The following SLC6A2 variants were observed in gnomAD, a reference collection of about 807,000 sequenced individuals.
The protein encoded by SLC6A2 is solute carrier family 6 member 2.
Under a neutral mutation model 71.7 loss-of-function variants are expected in SLC6A2, and 26 were observed. That is an observed-to-expected ratio of 0.36 (90% CI 0.27 to 0.50). The LOEUF (loss-of-function observed/expected upper bound fraction) is 0.50. Ranked by LOEUF, SLC6A2 falls within the 20% of genes least tolerant of loss-of-function variation. SLC6A2 has a pLI of 0.96. For missense variants in SLC6A2, 581 were observed against 803.9 expected, an observed-to-expected ratio of 0.72 and a Z score of 3.35; for synonymous variants, 363 against 337.9, an observed-to-expected ratio of 1.07 and a Z score of -0.82.
In SLC6A2 at chr16:55,695,128, G is replaced by A. The variant is rs1597008423; in HGVS notation, c.1023-150G>A. 2.0e-5 allele frequency: 17 copies of A among 839,406 alleles called. No individual in the cohort carries two copies. In the East Asian group the frequency reaches 3.7e-4, roughly 18 times the overall value. The allele number at this position is 839,406 out of a possible 1,614,324, so 52.0% of individuals were successfully genotyped here. On this transcript the variant is annotated intron_variant, in intron 7 of 14. Transcript: ENST00000568943. ...CTACTTCCTGCACCAGTGATGGTGA[G>A]GCCCTGTATCCATGTGGCAGCAGGA...
intron 4 of SLC6A2, 72 bp from the exon 5 acceptor site, chr16:55,685,071 G>T: frequency 6.8e-7 from 1 of 1,477,272 alleles, no homozygotes. Flanking sequence ...GCAGGGACTG[G>T]TCTGTGGTCA....
intron 5 of SLC6A2, among the ~76,000 whole-genome samples, chr16:55,690,212 A>G (rs142650899): frequency 6.6e-6 from 1 of 152,168 alleles, no homozygotes; most frequent in East Asian, 1.9e-4. Context: ...CAGTCCAATC[A>G]TTCGTACAAT....
In SLC6A2 at chr16:55,698,509, C is replaced by T. The variant is rs865845979; in HGVS notation, c.1430C>T (p.Ala477Val). The part of the protein sequence containing the change: ...YVLTLLDTFA[A>V]GTSILFAVLM... ...TTGACCCTCCTGGACACCTTTGCTG[C>T]GGGCACCTCCATCCTTTTTGCTGTC... Residue 477 changes from alanine (A) to valine (V), a missense_variant, in exon 11 of 15, where the codon GCG (alanine) becomes GTG (valine). Ala to Val is a moderately conservative substitution (Grantham distance 64). Transcript: ENST00000568943. 6.8e-6 allele frequency: 11 copies of T among 1,613,908 alleles called. No homozygotes were observed. The highest frequency in any genetic ancestry group is 1.3e-5 in the African/African-American group (1 of 74,882).
At position 55,696,271 on chromosome 16, in the gene SLC6A2, G is replaced by T; in HGVS notation, c.1194G>T (p.Leu398=). 6.2e-7 allele frequency: 1 copy of T among 1,613,972 alleles called. No homozygotes were observed. Among genetic ancestry groups the T allele is most frequent in the Non-Finnish European group, 8.5e-7 (1 of 1,179,896 alleles). ...FILYPEAIST[L]SGSTFWAVVF... ...TGTATCCAGAGGCCATTTCTACCCT[G>T]TCTGGATCTACATTCTGGGCTGTTG... is the stretch of plus-strand genomic sequence containing the variant. The change falls in exon 9 of 15, where the codon CTG becomes CTT. Residue 398 remains leucine (L), a synonymous_variant. Transcript: ENST00000568943.
chr16:55,693,021 C>G (rs1350877810), intron 6 of SLC6A2, among the ~76,000 whole-genome samples: 1 of 152,206 alleles, frequency 6.6e-6, no homozygotes, highest in Non-Finnish European at 1.5e-5. Flanking sequence ...GCCCTCAGTG[C>G]AGTCTCAAGG....
Position 55,669,645 on chromosome 16 carries a change from T to C in SLC6A2, c.355T>C (p.Tyr119His). 6.2e-7 allele frequency: 1 copy of C among 1,614,120 alleles called. No homozygotes were observed. The highest frequency in any genetic ancestry group is 8.5e-7 in the Non-Finnish European group (1 of 1,180,018). ...CTACATGGAGCTGGCTCTGGGACAG[T>C]ACAACCGGGAGGGGGCTGCCACCGT... ...LFYMELALGQYNREGAATVWK... is the reference protein window; with the variant it reads ...LFYMELALGQHNREGAATVWK... The change falls in exon 3 of 15, where the codon TAC becomes CAC. Residue 119 changes from tyrosine to histidine, a missense_variant. Around this residue, in one of 5 missense-constraint regions of SLC6A2, gnomAD observed 81 missense variants for 152.4 expected, o/e 0.53. Coordinates refer to ENST00000568943, the MANE Select transcript of SLC6A2 (RefSeq NM_001172501.3).
rs552100355 is a variant in SLC6A2, at chr16:55,672,638, G to T, written c.644+463G>T. 3.7e-4 allele frequency among the ~76,000 whole-genome samples: 56 copies of T among 152,302 alleles called. No individual in the cohort carries two copies. The South Asian group carries it at 7.9e-3, about 21-fold the overall frequency. The stretch of plus-strand genomic sequence containing the variant: ...GAAGAGCTGGGGCTCCAGGGCAGGC[G>T]ATGAGCTGCAGGTTGAACCCGAGTT... On this transcript the variant is annotated intron_variant, in intron 4 of 14. Coordinates refer to ENST00000568943, the MANE Select transcript of SLC6A2 (RefSeq NM_001172501.3).
intron 3 of SLC6A2, 150 bp from the exon 4 acceptor site, chr16:55,671,788 G>T (rs1964923513): frequency 2.7e-6 from 4 of 1,465,788 alleles, no homozygotes; most frequent in Non-Finnish European, 3.6e-6. Flanking sequence ...CATGCGACAG[G>T]TCACTGGTGC....
In SLC6A2 at chr16:55,685,316, G is replaced by A. The variant is rs11568340; in HGVS notation, c.783+35G>A. On this transcript the variant is annotated intron_variant, in intron 5 of 14. Coordinates refer to ENST00000568943, the MANE Select transcript of SLC6A2 (RefSeq NM_001172501.3). ...CTGTGTTTCTCTTTCACTTACTTGG[G>A]TGATCAACCTTGGGGGGTGTGATTA... 1.4e-3 allele frequency: 2,191 copies of A among 1,605,838 alleles called. 3 individuals carry two copies. Among genetic ancestry groups the A allele is most frequent in the Middle Eastern group, 2.1e-3 (13 of 6,050 alleles).
At chr16:55,700,988 T>C (rs1425908201) in intron 13 of SLC6A2, among the ~76,000 whole-genome samples, 4 of 152,200 alleles carry the variant, frequency 2.6e-5, no homozygotes, top group African/African-American at 9.7e-5. Context: ...GATAATCTTT[T>C]CCTCATATCC....
At chr16:55,688,314 C>G (rs753582846) in intron 5 of SLC6A2, among the ~76,000 whole-genome samples, 1 of 152,182 alleles carries the variant, frequency 6.6e-6, no homozygotes, top group Non-Finnish European at 1.5e-5. Context: ...CTGGTCCTGG[C>G]TTGCTTTAGT....
chr16:55,661,675 C>T (rs945904147), intron 2 of SLC6A2, among the ~76,000 whole-genome samples: 1 of 152,176 alleles, frequency 6.6e-6, no homozygotes, highest in Non-Finnish European at 1.5e-5. Flanking sequence ...ATGATAGACT[C>T]AGGAATCAGG....
intron 4 of SLC6A2, among the ~76,000 whole-genome samples, chr16:55,674,752 T>C (rs1171488788): frequency 6.6e-6 from 1 of 152,166 alleles, no homozygotes; most frequent in East Asian, 1.9e-4. Context: ...CAATCCATCA[T>C]TGATGGGCAC....
At chr16:55,698,615 C>A in intron 11 of SLC6A2, 47 bp downstream of exon 11, 1 of 1,341,552 alleles carries the variant, frequency 7.5e-7, no homozygotes, top group Non-Finnish European at 1.1e-6. Flanking sequence ...CTCCTAGAAT[C>A]CTGCACCTGG....
At position 55,704,205 on chromosome 16, in the gene SLC6A2, C is replaced by G. The variant is rs1229113777; in HGVS notation, c.*1859C>G. On this transcript the variant is annotated 3_prime_UTR_variant, in exon 15 of 15. Transcript: ENST00000568943. ...TTGTTTGTTTGTTTGTAATAAAGCA[C>G]TTTAATGCACATTACCTGCCATCTG... The G allele has an allele frequency of 6.6e-6, 1 of 152,224 alleles. No individual in the cohort carries two copies. Among genetic ancestry groups the G allele is most frequent in the African/African-American group, 2.4e-5 (1 of 41,452 alleles). 9.4% of individuals were successfully genotyped at this position (152,224 alleles called of 1,614,324 possible).
intron 7 of SLC6A2, 116 bp from the exon 8 acceptor site, chr16:55,695,162 A>AG (rs1486227124): frequency 1.6e-5 from 20 of 1,219,514 alleles, no homozygotes; most frequent in Non-Finnish European, 2.3e-5. Flanking sequence ...GAGCCACTGA[A>AG]GGGGGGATGG....
rs1247716681 is a variant in SLC6A2 at position 55,702,674 on chromosome 16, C to G, written c.*328C>G. Reference sequence around the variant, plus strand: ...GGTCGGAAATCCCCACCACATTTGCCTAGACTTTGGGCACAGGAGTTCTTA... The same window carrying G: ...GGTCGGAAATCCCCACCACATTTGCGTAGACTTTGGGCACAGGAGTTCTTA... On this transcript the variant is annotated 3_prime_UTR_variant, in exon 15 of 15. Transcript: ENST00000568943. 7.2e-6 allele frequency: 9 copies of G among 1,253,440 alleles called. No individual in the cohort carries two copies. The highest frequency in any genetic ancestry group is 9.1e-6 in the Non-Finnish European group (9 of 992,248). The allele number at this position is 1,253,440 out of a possible 1,614,324, so 77.6% of individuals were successfully genotyped here. A position where few individuals can be genotyped will look rare whatever the true frequency, so the allele number is the denominator to read the frequency against.
At position 55,705,430 on chromosome 16, in the gene SLC6A2, CTTTA is replaced by C. The variant is rs531159542; in HGVS notation, c.*3088_*3091del. 889 of 588,224 alleles carry C rather than the reference CTTTA, an allele frequency of 1.5e-3. 8 individuals carry two copies. Among genetic ancestry groups the C allele is most frequent in the African/African-American group, 0.015 (815 of 53,970 alleles). 36.4% of individuals were successfully genotyped at this position (588,224 alleles called of 1,614,324 possible). ...CTAGTAAAGAAGCCCATTGAACTCA[CTTTA>C]TTTGTTTATTTCCTTCGAAAGCCAC... On this transcript the variant is annotated 3_prime_UTR_variant, in exon 15 of 15. Coordinates refer to ENST00000568943, the MANE Select transcript of SLC6A2 (RefSeq NM_001172501.3).
At position 55,656,309 on chromosome 16, in the gene SLC6A2, G is replaced by A. The variant is rs1964445687; in HGVS notation, c.-52+140G>A. The A allele has an allele frequency of 2.8e-6, 1 of 351,498 alleles. No homozygotes were observed. Among genetic ancestry groups the A allele is most frequent in the South Asian group, 2.6e-5 (1 of 38,308 alleles). The allele number at this position is 351,498 out of a possible 1,614,324, so 21.8% of individuals were successfully genotyped here. ...GCTCCTGTGGCTGTTGAAGTGTCGC[G>A]GACCTGAGCTGGGGAGGGGGTCGGC... is the stretch of plus-strand genomic sequence containing the variant. On this transcript the variant is annotated intron_variant, in intron 1 of 14. Coordinates refer to ENST00000568943, the MANE Select transcript of SLC6A2 (RefSeq NM_001172501.3). This position sits in a 1 kb window ranked among gnomAD's most constrained non-coding sequence, Gnocchi z 4.5.
Sources: allele counts gnomAD v4.1 joint callset (sites outside exome capture counted in the v4.1 genomes callset), GRCh38; gene constraint gnomAD v4.1.1; regional missense constraint gnomAD v4.1.1; non-coding constraint Gnocchi (gnomAD v3.1); transcripts MANE v1.5; gene names NCBI Gene and HGNC (gene_info 2026-07-23, HGNC 2026-07-21).